The following PCM1 variants were observed in gnomAD, a reference collection of about 807,000 sequenced individuals.
PCM1 encodes pericentriolar material 1 protein.
In PCM1, 157 loss-of-function variants were observed where a neutral mutation model predicts 241.9. The observed-to-expected ratio is 0.65, with a 90% CI of 0.57 to 0.74. The LOEUF (loss-of-function observed/expected upper bound fraction) is 0.74, where lower values mean the gene tolerates loss of function less well. PCM1 is among the 30% of genes least tolerant of loss of function. The pLI is 0.00. For synonymous variants in PCM1, 1,085 were observed against 784.9 expected, an observed-to-expected ratio of 1.38 and a Z score of -6.39; for missense variants, 3,478 against 2,360.1, an observed-to-expected ratio of 1.47 and a Z score of -9.81.
chr8:18,019,498 A>C (rs2093589116), intron 36 of PCM1, among the ~76,000 whole-genome samples: 1 of 152,212 alleles, frequency 6.6e-6, no homozygotes, highest in Non-Finnish European at 1.5e-5. Context: ...ACCACAATGC[A>C]GAATCAGTGG....
chr8:17,924,669 G>C (rs919348274), intron 1 of PCM1, 44 bp from the exon 2 acceptor site: 1 of 152,122 alleles, frequency 6.6e-6, no homozygotes, highest in African/African-American at 2.4e-5. Context: ...ATTTCATAGC[G>C]TAAGTAATTT....
At chr8:17,987,180 G>A (rs954932517) in intron 26 of PCM1, among the ~76,000 whole-genome samples, 2 of 151,856 alleles carry the variant, frequency 1.3e-5, no homozygotes, top group African/African-American at 2.4e-5. Flanking sequence ...GTGTCAGTCA[G>A]TGTTTGCTCC....
Position 18,025,618 on chromosome 8 carries a change from C to A in PCM1, c.6009C>A (p.Thr2003=), listed in dbSNP as rs749466442. Reference sequence around the variant, plus strand: ...CTGGTGAAATATGTGAAATGCAGACCGAAGAATTAGCTGGAAATTCTGAGA... The same window carrying A: ...CTGGTGAAATATGTGAAATGCAGACAGAAGAATTAGCTGGAAATTCTGAGA... The part of the protein sequence containing the change: ...HLSGEICEMQ[T]EELAGNSETL... The change falls in exon 38 of 39, where the codon ACC becomes ACA. Residue 2003 remains threonine (T), a synonymous_variant. Coordinates refer to ENST00000325083, the MANE Select transcript of PCM1 (RefSeq NM_006197.4). 1 of 1,576,468 alleles carries A rather than the reference C, an allele frequency of 6.3e-7. No individual in the cohort carries two copies. The highest frequency in any genetic ancestry group is 8.6e-7 in the Non-Finnish European group (1 of 1,160,064).
At chr8:17,946,434 G>C (rs1335591581) in intron 6 of PCM1, among the ~76,000 whole-genome samples, 3 of 151,882 alleles carry the variant, frequency 2.0e-5, no homozygotes, top group Non-Finnish European at 2.9e-5. Flanking sequence ...AGAAATAGTA[G>C]GTGTGCCTAC....
chr8:17,969,117 A>G (rs2076031275), intron 21 of PCM1, among the ~76,000 whole-genome samples: 1 of 152,172 alleles, frequency 6.6e-6, no homozygotes, highest in African/African-American at 2.4e-5. Context: ...CCCAATAAAA[A>G]TAGAGTAGAA....
At chr8:17,932,964 C>G (rs1281236317) in intron 2 of PCM1, among the ~76,000 whole-genome samples, 1 of 152,032 alleles carries the variant, frequency 6.6e-6, no homozygotes, top group Non-Finnish European at 1.5e-5. Context: ...TGGATATGTA[C>G]CATCCTTGGG....
chr8:17,980,488 C>A, intron 23 of PCM1, 103 bp from the exon 24 acceptor site: 1 of 837,652 alleles, frequency 1.2e-6, no homozygotes, highest in Non-Finnish European at 1.8e-6. Context: ...GCCTTCCTAG[C>A]ATTGTAAATT....
chr8:17,983,003 A>T (rs968028161), intron 24 of PCM1, among the ~76,000 whole-genome samples: 2 of 152,192 alleles, frequency 1.3e-5, no homozygotes, highest in Admixed American at 6.5e-5. Context: ...GAATGATAGA[A>T]GTTTATTATG....
intron 33 of PCM1, 148 bp from the exon 34 acceptor site, chr8:18,011,515 ACTTT>A: frequency 9.6e-7 from 1 of 1,043,502 alleles, no homozygotes; most frequent in Non-Finnish European, 1.3e-6. Flanking sequence ...AATTATCTAG[ACTTT>A]CTGCACTGTA....
chr8:17,967,305 C>CCTTT (rs750023452), intron 21 of PCM1, 135 bp downstream of exon 21: 33 of 515,420 alleles, frequency 6.4e-5, no homozygotes, highest in African/African-American at 5.6e-4. Flanking sequence ...GTTACAAACT[C>CCTTT]TTTTTTTTTT....
At chr8:17,977,661 A>T (rs2079233048) in intron 23 of PCM1, among the ~76,000 whole-genome samples, 1 of 152,128 alleles carries the variant, frequency 6.6e-6, no homozygotes. Context: ...GCAAGCTACT[A>T]GTTGGCAGAA....
At chr8:17,930,108 T>G (rs2058510194) in intron 2 of PCM1, among the ~76,000 whole-genome samples, 1 of 149,234 alleles carries the variant, frequency 6.7e-6, no homozygotes, top group Non-Finnish European at 1.5e-5. Flanking sequence ...TTCCTTTTTT[T>G]TTTTTTTTTT....
intron 1 of PCM1, among the ~76,000 whole-genome samples, 172 bp from the exon 2 acceptor site, chr8:17,924,541 T>A (rs1023076770): frequency 6.6e-6 from 1 of 152,240 alleles, no homozygotes; most frequent in African/African-American, 2.4e-5. Flanking sequence ...CATATCACAC[T>A]ATTTTCCAAA....
chr8:17,972,019 A>G (rs2077025812), intron 22 of PCM1, among the ~76,000 whole-genome samples: 1 of 152,158 alleles, frequency 6.6e-6, no homozygotes, highest in African/African-American at 2.4e-5. Flanking sequence ...TGCTGGAGTT[A>G]CAGGCATGAG....
chr8:17,961,007 T>C (rs1342323896), intron 15 of PCM1, among the ~76,000 whole-genome samples: 1 of 152,162 alleles, frequency 6.6e-6, no homozygotes, highest in Non-Finnish European at 1.5e-5. Flanking sequence ...CATAACTGTT[T>C]ATTATGTTAA....
chr8:17,935,046 C>G (rs1254032957), intron 2 of PCM1, among the ~76,000 whole-genome samples: 1 of 152,216 alleles, frequency 6.6e-6, no homozygotes, highest in Non-Finnish European at 1.5e-5. Context: ...TGTTTTGGCC[C>G]TAGTCCTGCT....
chr8:17,983,213 A>G (rs777715980), intron 24 of PCM1: 1 of 1,295,456 alleles, frequency 7.7e-7, no homozygotes, highest in Non-Finnish European at 1.0e-6. Flanking sequence ...GTTCATCCTT[A>G]TGTCTGCCCT....
intron 38 of PCM1, among the ~76,000 whole-genome samples, chr8:18,027,033 C>T (rs2094280956): frequency 6.6e-6 from 1 of 152,184 alleles, no homozygotes; most frequent in African/African-American, 2.4e-5. Flanking sequence ...CTCAATGTTT[C>T]TTGCATCAGG....
At chr8:18,002,527 A>G (rs1162787727) in intron 29 of PCM1, among the ~76,000 whole-genome samples, 2 of 7,468 alleles carry the variant, frequency 2.7e-4, no homozygotes, top group South Asian at 2.4e-3. Context: ...TAGTGCCGCA[A>G]TAAACATACG....
Sources: allele counts gnomAD v4.1 joint callset (sites outside exome capture counted in the v4.1 genomes callset), GRCh38; gene constraint gnomAD v4.1.1; transcripts MANE v1.5; gene names NCBI Gene and HGNC (gene_info 2026-07-23, HGNC 2026-07-21).